The following RAB3GAP2 variants were observed in gnomAD, a reference collection of about 807,000 sequenced individuals.
The protein encoded by RAB3GAP2 is RAB3 GTPase activating non-catalytic protein subunit 2.
RAB3GAP2 carries 87 observed loss-of-function variants against 185.3 expected under a neutral mutation model. That is an observed-to-expected ratio of 0.47 (90% CI 0.39 to 0.56). The LOEUF (loss-of-function observed/expected upper bound fraction) is 0.56, where lower values mean the gene tolerates loss of function less well. RAB3GAP2 is among the 20% of genes least tolerant of loss of function. The probability of loss-of-function intolerance (pLI) is 0.00; values close to 1 mark genes in which losing one functional copy is unlikely to be tolerated. For missense variants in RAB3GAP2, 1,492 were observed against 1,638.2 expected (o/e 0.91, Z 1.54); for synonymous variants, 554 against 576.1 (o/e 0.96, Z 0.55).
At chr1:220,230,065 A>G (rs1354723547) in intron 2 of RAB3GAP2, among the ~76,000 whole-genome samples, 1 of 152,154 alleles carries the variant, frequency 6.6e-6, no homozygotes, top group Non-Finnish European at 1.5e-5. Flanking sequence ...TGTTTACACA[A>G]ACCCCCTCCT....
intron 27 of RAB3GAP2, among the ~76,000 whole-genome samples, chr1:220,162,923 T>G (rs372793802): frequency 6.6e-6 from 1 of 151,624 alleles, no homozygotes; most frequent in Non-Finnish European, 1.5e-5. Flanking sequence ...ACAAAATATA[T>G]AAAAAACAAA....
At chr1:220,200,788 C>T (rs964619617) in intron 9 of RAB3GAP2, 7 of 372,168 alleles carry the variant, frequency 1.9e-5, no homozygotes, top group South Asian at 2.1e-5. Context: ...GAAAGATGGC[C>T]TGTGTGTCAG....
Position 220,196,387 on chromosome 1 carries a change from G to C in RAB3GAP2, c.823C>G (p.Leu275Val). 2 of 1,598,030 alleles carry C rather than the reference G, an allele frequency of 1.3e-6. No individual in the cohort carries two copies. The highest frequency in any genetic ancestry group is 1.7e-6 in the Non-Finnish European group (2 of 1,168,198). The change falls in exon 10 of 35, where the codon CTG (leucine) becomes GTG (valine). Residue 275 changes from leucine (L) to valine (V), a missense_variant. Leu to Val is a conservative substitution (Grantham distance 32, BLOSUM62 1). Transcript: ENST00000358951. ...IDHASVGIMT[L>V]SPFDQMKTAS... ...GTCTTCATTTGATCAAAGGGGGACA[G>C]AGTCATAATACCTAATAAAAAAAAA...
Position 220,171,897 on chromosome 1 carries a change from C to T in RAB3GAP2, c.2569G>A (p.Glu857Lys), listed in dbSNP as rs1029862812. ...VAAQISNNMTEKKFSQTVLGA... is the reference protein window; with the variant it reads ...VAAQISNNMTKKKFSQTVLGA... ...TACCTTTACCCACTTACTTTTTTCT[C>T]TGTCATGTTGTTTGATATCTGTGCA... Residue 857 changes from glutamate (E) to lysine (K), a missense_variant, in exon 23 of 35, where the codon GAG becomes AAG. Physicochemically the swap from Glu to Lys is moderately conservative, Grantham distance 56. This residue lies in a region of RAB3GAP2 where 681 missense variants were observed against 689.1 expected (regional missense o/e 0.99). Transcript: ENST00000358951. 8 of 1,614,018 alleles carry T rather than the reference C, an allele frequency of 5.0e-6. No homozygotes were observed. The highest frequency in any genetic ancestry group is 2.2e-5 in the East Asian group (1 of 44,888).
In RAB3GAP2 at chr1:220,190,537, C is replaced by A. The variant is rs1658596561; in HGVS notation, c.1488-17G>T. 6.4e-7 allele frequency: 1 copy of A among 1,574,732 alleles called. No homozygotes were observed. The highest frequency in any genetic ancestry group is 8.7e-7 in the Non-Finnish European group (1 of 1,144,288). On this transcript the variant is annotated splice_polypyrimidine_tract_variant and intron_variant, in intron 14 of 34. Transcript: ENST00000358951. ...TACAGCAGCCTAAAGAAATCACATACCAATATGGTAAAAATATTAGAACAA... is the reference window on the plus strand; with the variant it reads ...TACAGCAGCCTAAAGAAATCACATAACAATATGGTAAAAATATTAGAACAA...
At chr1:220,193,578 T>A (rs1312330900) in intron 12 of RAB3GAP2, among the ~76,000 whole-genome samples, 199 bp from the exon 13 acceptor site, 2 of 152,180 alleles carry the variant, frequency 1.3e-5, no homozygotes, top group African/African-American at 4.8e-5. Context: ...AAAACCACAG[T>A]CCTATGTAGG....
chr1:220,206,663 T>C (rs991400157), intron 7 of RAB3GAP2, among the ~76,000 whole-genome samples: 1 of 152,212 alleles, frequency 6.6e-6, no homozygotes, highest in Non-Finnish European at 1.5e-5. Context: ...ATTAAAACTC[T>C]TCAATGACTC....
At position 220,210,761 on chromosome 1, in the gene RAB3GAP2, A is replaced by G. The variant is rs533028849; in HGVS notation, c.510+40T>C. 219 of 1,558,094 alleles carry G rather than the reference A, an allele frequency of 1.4e-4. 5 individuals are homozygous for G. In the South Asian group the frequency reaches 2.4e-3, roughly 17 times the overall value. On this transcript the variant is annotated intron_variant, in intron 6 of 34. Transcript: ENST00000358951. ...AAGGTGATGCATAACCAGATATTGCAGTCAACTAGTGTTTTCCAGCTGTTG... is the reference window on the plus strand; with the variant it reads ...AAGGTGATGCATAACCAGATATTGCGGTCAACTAGTGTTTTCCAGCTGTTG...
chr1:220,239,374 G>A lies in RAB3GAP2; in HGVS notation c.116-6511C>T, dbSNP rs377403682. Among the ~76,000 whole-genome samples, 9 of 152,052 alleles carry A rather than the reference G, an allele frequency of 5.9e-5. No individual in the cohort carries two copies. The East Asian group carries it at 1.7e-3, about 29-fold the overall frequency. On this transcript the variant is annotated intron_variant, in intron 1 of 34. Coordinates refer to ENST00000358951, the MANE Select transcript of RAB3GAP2 (RefSeq NM_012414.4). ...GCCTCCCAAGTAGCTGGGACTACAG[G>A]CATATGCCACCATGTCCGGCAAATT...
At chr1:220,233,629 G>A (rs1029923709) in intron 1 of RAB3GAP2, among the ~76,000 whole-genome samples, 2 of 151,942 alleles carry the variant, frequency 1.3e-5, no homozygotes, top group African/African-American at 4.8e-5. Flanking sequence ...TTAGGCCCCA[G>A]AATCACGCTG....
chr1:220,267,874 C>T (rs767455828), intron 1 of RAB3GAP2: 3 of 864,520 alleles, frequency 3.5e-6, no homozygotes, highest in Admixed American at 1.7e-5. Context: ...GGAGTTTTAG[C>T]CTCAACAGGC....
intron 18 of RAB3GAP2, among the ~76,000 whole-genome samples, chr1:220,184,904 A>C (rs1034871466): frequency 6.6e-6 from 1 of 152,152 alleles, no homozygotes; most frequent in Non-Finnish European, 1.5e-5. Context: ...TCTGTTAAAA[A>C]AAAAAGGTTG....
At chr1:220,240,996 T>C (rs185319261) in intron 1 of RAB3GAP2, among the ~76,000 whole-genome samples, 5 of 152,220 alleles carry the variant, frequency 3.3e-5, no homozygotes, top group Admixed American at 6.5e-5. Context: ...ATGTCTCTCA[T>C]TTGATAAATG....
At chr1:220,240,436 T>G (rs946681994) in intron 1 of RAB3GAP2, among the ~76,000 whole-genome samples, 1 of 152,206 alleles carries the variant, frequency 6.6e-6, no homozygotes, top group African/African-American at 2.4e-5. Context: ...CCTTTAAAAT[T>G]TATTCTGTTT....
chr1:220,262,508 C>G (rs1240290338), intron 1 of RAB3GAP2, among the ~76,000 whole-genome samples: 2 of 152,146 alleles, frequency 1.3e-5, no homozygotes, highest in Non-Finnish European at 2.9e-5. Flanking sequence ...AACCGCCATT[C>G]TATTTTTTGT....
At chr1:220,243,505 C>T (rs761854280) in intron 1 of RAB3GAP2, among the ~76,000 whole-genome samples, 1 of 152,156 alleles carries the variant, frequency 6.6e-6, no homozygotes, top group Non-Finnish European at 1.5e-5. Context: ...TTACATAACT[C>T]GCTCAAGGTC....
At chr1:220,166,014 C>CTCATTCTAGACA (rs1658055077) in intron 26 of RAB3GAP2, among the ~76,000 whole-genome samples, 1 of 152,144 alleles carries the variant, frequency 6.6e-6, no homozygotes, top group African/African-American at 2.4e-5. Flanking sequence ...TTATTATTTT[C>CTCATTCTAGACA]TCATTCTAGA....
chr1:220,253,569 A>C (rs1327612980), intron 1 of RAB3GAP2: 9 of 1,584,858 alleles, frequency 5.7e-6, no homozygotes, highest in Non-Finnish European at 3.5e-6. Flanking sequence ...ATCACTTATA[A>C]ATGGCGCGGA....
At chr1:220,227,460 G>A (rs1328161680) in intron 2 of RAB3GAP2, among the ~76,000 whole-genome samples, 1 of 152,156 alleles carries the variant, frequency 6.6e-6, no homozygotes, top group African/African-American at 2.4e-5. Context: ...TACTCTCAAA[G>A]AGCTAACACA....
Sources: allele counts gnomAD v4.1 joint callset (sites outside exome capture counted in the v4.1 genomes callset), GRCh38; gene constraint gnomAD v4.1.1; regional missense constraint gnomAD v4.1.1; transcripts MANE v1.5; gene names NCBI Gene and HGNC (gene_info 2026-07-23, HGNC 2026-07-21).